DLGAP2: variants seen among roughly 807,000 people sequenced by gnomAD.
DLGAP2 encodes DLG associated protein 2.
A neutral mutation model predicts 100.3 loss-of-function variants in DLGAP2; 26 were observed. The observed-to-expected ratio is 0.26, with a 90% CI of 0.19 to 0.36. DLGAP2 has a LOEUF of 0.36. DLGAP2 is among the 10% of genes least tolerant of loss of function. The pLI, the probability that DLGAP2 is intolerant of heterozygous loss-of-function variation, is 1.00. For synonymous variants in DLGAP2, 886 were observed against 630.1 expected, an observed-to-expected ratio of 1.41 and a Z score of -6.08; for missense variants, 1,858 against 1,453.2, an observed-to-expected ratio of 1.28 and a Z score of -4.53.
At chr8:1,304,664 A>G (rs1050442611) in intron 3 of DLGAP2, among the ~76,000 whole-genome samples, 1 of 152,208 alleles carries the variant, frequency 6.6e-6, no homozygotes, top group African/African-American at 2.4e-5. Context: ...ACAGTGCGGA[A>G]GTGCTTCTGA....
At chr8:1,488,707 C>T (rs1007762362) in intron 3 of DLGAP2, among the ~76,000 whole-genome samples, 1 of 152,204 alleles carries the variant, frequency 6.6e-6, no homozygotes, top group Non-Finnish European at 1.5e-5. Context: ...AATTCTACAA[C>T]ATCTCCAAAG....
intron 3 of DLGAP2, among the ~76,000 whole-genome samples, chr8:1,349,532 C>A (rs375499081): frequency 6.7e-6 from 1 of 149,424 alleles, no homozygotes; most frequent in African/African-American, 2.5e-5. Flanking sequence ...GGGGGACTGT[C>A]GTGAGCCTCC....
intron 6 of DLGAP2, among the ~76,000 whole-genome samples, chr8:1,599,809 G>A (rs925304603): frequency 1.3e-5 from 2 of 151,984 alleles, no homozygotes; most frequent in Admixed American, 6.6e-5. Flanking sequence ...CATACTAATG[G>A]GCCTTGACTG....
intron 3 of DLGAP2, among the ~76,000 whole-genome samples, chr8:1,407,967 G>T (rs1252917068): frequency 6.6e-6 from 1 of 152,200 alleles, no homozygotes; most frequent in Non-Finnish European, 1.5e-5. Context: ...GGGGGTTGGG[G>T]TGGGCTGTCC....
At chr8:1,701,060 G>A (rs1224217416) in intron 14 of DLGAP2, 128 bp from the exon 15 acceptor site, 1 of 794,928 alleles carries the variant, frequency 1.3e-6, no homozygotes, top group Non-Finnish European at 2.0e-6. Flanking sequence ...CGGGGGACGG[G>A]AGTGAAGGAT....
At chr8:888,379 C>G (rs544120969) in intron 1 of DLGAP2, among the ~76,000 whole-genome samples, 1 of 152,184 alleles carries the variant, frequency 6.6e-6, no homozygotes, top group Admixed American at 6.5e-5. Context: ...AAGCTTACTT[C>G]TGTCAATTTG....
At chr8:1,221,505 C>A (rs577414797) in intron 2 of DLGAP2, among the ~76,000 whole-genome samples, 1 of 152,002 alleles carries the variant, frequency 6.6e-6, no homozygotes, top group Non-Finnish European at 1.5e-5. Context: ...ACATGACCTG[C>A]CTCCTCTCTA....
chr8:1,636,921 C>G (rs1330651552), intron 8 of DLGAP2, among the ~76,000 whole-genome samples: 1 of 152,244 alleles, frequency 6.6e-6, no homozygotes, highest in Non-Finnish European at 1.5e-5. Flanking sequence ...TTTGAAATCA[C>G]AAAATACCGC....
At position 1,529,156 on chromosome 8, in the gene DLGAP2, G is replaced by A. The variant is rs564641153; in HGVS notation, c.173-19470G>A. ...GTGAGGCCTCAGGAAACTTACAATC[G>A]TGGCGGAAGGTGAAGGGGAAGCAAG... On this transcript the variant is annotated intron_variant, in intron 4 of 14. Transcript: ENST00000637795. 6.8e-4 allele frequency among the ~76,000 whole-genome samples: 104 copies of A among 152,268 alleles called. 1 individual carries two copies. In the Middle Eastern group the frequency reaches 0.01, roughly 15 times the overall value.
intron 3 of DLGAP2, among the ~76,000 whole-genome samples, chr8:1,280,313 A>G (rs1799790939): frequency 1.3e-5 from 2 of 152,128 alleles, no homozygotes; most frequent in Non-Finnish European, 2.9e-5. Flanking sequence ...ACCCCTTCCC[A>G]TCTATTTCCT....
At chr8:761,263 A>G (rs572176814) in intron 1 of DLGAP2, among the ~76,000 whole-genome samples, 220 of 151,756 alleles carry the variant, frequency 1.4e-3, no homozygotes, top group African/African-American at 4.8e-3. Context: ...TCTTCCACCC[A>G]CGCCTTCCAT....
intron 4 of DLGAP2, among the ~76,000 whole-genome samples, chr8:1,511,052 A>G (rs1800143452): frequency 6.6e-6 from 1 of 152,260 alleles, no homozygotes; most frequent in Non-Finnish European, 1.5e-5. Flanking sequence ...CAGTTAGTTC[A>G]GCTTGAAACC....
intron 3 of DLGAP2, among the ~76,000 whole-genome samples, chr8:1,491,791 A>AT (rs1409929624): frequency 1.3e-5 from 2 of 152,044 alleles, no homozygotes; most frequent in African/African-American, 2.4e-5. Context: ...GCACTTTTTA[A>AT]TTTTTTTTCC....
intron 6 of DLGAP2, among the ~76,000 whole-genome samples, chr8:1,624,865 C>A (rs911212603): frequency 6.8e-6 from 1 of 147,980 alleles, no homozygotes; most frequent in East Asian, 1.9e-4. Flanking sequence ...CTCTCTCTCT[C>A]TCTGTCTCTC....
chr8:1,527,513 A>G (rs1800833492), intron 4 of DLGAP2, among the ~76,000 whole-genome samples: 1 of 152,252 alleles, frequency 6.6e-6, no homozygotes, highest in Admixed American at 6.5e-5. Flanking sequence ...TTTAATTGGG[A>G]TCAGCACAGA....
intron 1 of DLGAP2, among the ~76,000 whole-genome samples, chr8:852,646 G>A (rs182213028): frequency 6.6e-6 from 1 of 152,268 alleles, no homozygotes; most frequent in East Asian, 1.9e-4. Context: ...CCAGTAGACG[G>A]GATTTGTACT....
chr8:926,202 C>A (rs1028252844), intron 2 of DLGAP2, among the ~76,000 whole-genome samples: 1 of 152,152 alleles, frequency 6.6e-6, no homozygotes, highest in Non-Finnish European at 1.5e-5. Context: ...GAGCCCACGC[C>A]CACCACTCCC....
At chr8:1,226,139 T>C (rs1448521528) in intron 2 of DLGAP2, among the ~76,000 whole-genome samples, 1 of 152,144 alleles carries the variant, frequency 6.6e-6, no homozygotes, top group African/African-American at 2.4e-5. Flanking sequence ...TAGCTCAGTT[T>C]AAACCATGGG....
intron 3 of DLGAP2, among the ~76,000 whole-genome samples, chr8:1,422,231 T>TTTA (rs1356562017): frequency 1.3e-5 from 2 of 152,270 alleles, no homozygotes; most frequent in Non-Finnish European, 2.9e-5. Context: ...AGGGTATTTT[T>TTTA]TTAGGAGTTA....
Sources: allele counts gnomAD v4.1 joint callset (sites outside exome capture counted in the v4.1 genomes callset), GRCh38; gene constraint gnomAD v4.1.1; transcripts MANE v1.5; gene names NCBI Gene and HGNC (gene_info 2026-07-23, HGNC 2026-07-21).